LRP1B: variants seen among roughly 807,000 people sequenced by gnomAD.
The protein encoded by LRP1B is LDL receptor related protein 1B, also known as low-density lipoprotein receptor-related protein 1B.
In LRP1B, 217 loss-of-function variants were observed where a neutral mutation model predicts 556.6. The ratio of observed to expected loss-of-function variants is 0.39; its 90% CI spans 0.35 to 0.44. LRP1B has a LOEUF of 0.44. Ranked by LOEUF, LRP1B falls within the 20% of genes least tolerant of loss-of-function variation. The pLI is 1.00. For synonymous variants in LRP1B, 2,047 were observed against 1,865.8 expected (o/e 1.10, Z -2.50); for missense variants, 5,053 against 5,620.8 (o/e 0.90, Z 3.23).
intron 66 of LRP1B, among the ~76,000 whole-genome samples, chr2:140,417,631 AG>A (rs1286321960): frequency 1.3e-5 from 2 of 152,176 alleles, no homozygotes; most frequent in Non-Finnish European, 2.9e-5. Flanking sequence ...AAAATTAAGT[AG>A]GTCATTTTAT....
intron 7 of LRP1B, among the ~76,000 whole-genome samples, chr2:141,161,024 A>T (rs943148432): frequency 6.6e-6 from 1 of 152,110 alleles, no homozygotes; most frequent in African/African-American, 2.4e-5. Context: ...GTGGTACAAG[A>T]GGAACTTTCT....
intron 1 of LRP1B, among the ~76,000 whole-genome samples, chr2:141,918,590 CA>C (rs1345547136): frequency 6.6e-6 from 1 of 152,090 alleles, no homozygotes; most frequent in African/African-American, 2.4e-5. Context: ...ATCCATTTCA[CA>C]AACCACAGAG....
chr2:140,573,184 T>C (rs1681394095), intron 43 of LRP1B, among the ~76,000 whole-genome samples: 2 of 151,872 alleles, frequency 1.3e-5, no homozygotes. Context: ...CAAATGGTGA[T>C]GGTTAACATA....
intron 41 of LRP1B, among the ~76,000 whole-genome samples, chr2:140,623,956 G>GTGTGTATATATA (rs1339496296): frequency 2.8e-5 from 3 of 106,432 alleles, no homozygotes; most frequent in Non-Finnish European, 3.8e-5. Flanking sequence ...TTTTATTTAT[G>GTGTGTATATATA]TATATATATA....
chr2:140,238,129 C>A (rs747904423), intron 89 of LRP1B, 23 bp downstream of exon 89: 1 of 1,569,484 alleles, frequency 6.4e-7, no homozygotes, highest in Non-Finnish European at 8.6e-7. Context: ...GTGCTCACTG[C>A]CCATTATCTT....
chr2:141,484,509 G>A (rs1683045999), intron 2 of LRP1B, among the ~76,000 whole-genome samples: 1 of 152,038 alleles, frequency 6.6e-6, no homozygotes, highest in Non-Finnish European at 1.5e-5. Context: ...GAAAGTCATT[G>A]GTAACTTGAT....
intron 2 of LRP1B, among the ~76,000 whole-genome samples, chr2:141,789,072 T>C (rs1695521144): frequency 6.6e-6 from 1 of 152,034 alleles, no homozygotes; most frequent in South Asian, 2.1e-4. Context: ...CTGGGTCAAA[T>C]GGTGTTTCTA....
Position 140,851,718 on chromosome 2 carries a change from T to C in LRP1B, c.4645A>G (p.Asn1549Asp). ...GGGCACGCACAGGCAGCACTCCTAT[T>C]GTGATTGATTAGACACATGTGAGAG... ...PCSHMCLINHNRSAACACPHL... is the reference protein window; with the variant it reads ...PCSHMCLINHDRSAACACPHL... The change falls in exon 28 of 91, where the codon AAT becomes GAT. Residue 1549 changes from asparagine to aspartate, a missense_variant. Physicochemically the swap from Asn to Asp is conservative, Grantham distance 23. Transcript: ENST00000389484. 2 of 1,611,306 alleles carry C rather than the reference T, an allele frequency of 1.2e-6. No individual in the cohort carries two copies. Among genetic ancestry groups the C allele is most frequent in the Non-Finnish European group, 1.7e-6 (2 of 1,179,060 alleles).
At chr2:141,827,833 A>C (rs1696988303) in intron 1 of LRP1B, among the ~76,000 whole-genome samples, 1 of 152,134 alleles carries the variant, frequency 6.6e-6, no homozygotes, top group Non-Finnish European at 1.5e-5. Context: ...GCTATAAAGT[A>C]TATATATACT....
chr2:140,516,349 G>A (rs926011945), intron 50 of LRP1B, among the ~76,000 whole-genome samples: 4 of 151,970 alleles, frequency 2.6e-5, no homozygotes, highest in Non-Finnish European at 5.9e-5. Flanking sequence ...TATTTACATT[G>A]TATTAGGCAT....
intron 31 of LRP1B, among the ~76,000 whole-genome samples, chr2:140,831,449 C>G (rs1256158424): frequency 6.6e-6 from 1 of 152,100 alleles, no homozygotes; most frequent in Non-Finnish European, 1.5e-5. Flanking sequence ...ATAAATAGTG[C>G]TGGGAAAACT....
rs369005114 is a variant in LRP1B, at chr2:140,623,484, T to C, written c.6800-21845A>G. ...TATATCAAAAGGCATTATATCAAAGTAACAATATATCTAGTAACAATAAAT... is the reference window on the plus strand; with the variant it reads ...TATATCAAAAGGCATTATATCAAAGCAACAATATATCTAGTAACAATAAAT... On this transcript the variant is annotated intron_variant, in intron 41 of 90. Transcript: ENST00000389484. Among the ~76,000 whole-genome samples the C allele has an allele frequency of 3.9e-5, 6 of 152,178 alleles. No homozygotes were observed. In the East Asian group the frequency reaches 1.2e-3, roughly 29 times the overall value.
At chr2:141,925,813 C>A (rs768721283) in intron 1 of LRP1B, among the ~76,000 whole-genome samples, 2 of 152,166 alleles carry the variant, frequency 1.3e-5, no homozygotes, top group African/African-American at 2.4e-5. Context: ...CAAAGCCTAG[C>A]AGAAAGACTA....
At chr2:141,068,842 A>G (rs1365718181) in intron 7 of LRP1B, among the ~76,000 whole-genome samples, 1 of 152,026 alleles carries the variant, frequency 6.6e-6, no homozygotes, top group Non-Finnish European at 1.5e-5. Flanking sequence ...ACTTTAGGGA[A>G]TATTTCATAT....
In LRP1B at chr2:140,641,254, A is replaced by G. The variant is rs187920963; in HGVS notation, c.6800-39615T>C. 6.6e-5 allele frequency among the ~76,000 whole-genome samples: 10 copies of G among 152,350 alleles called. No individual in the cohort carries two copies. The East Asian group carries it at 1.9e-3, about 29-fold the overall frequency. ...TATAAAGGGAAATTAGCTTTACCCA[A>G]GGTTTCACAAGTTCATCAAAAGCTT... On this transcript the variant is annotated intron_variant, in intron 41 of 90. Coordinates refer to ENST00000389484, the MANE Select transcript of LRP1B (RefSeq NM_018557.3).
chr2:141,434,804 T>C (rs911946822), intron 3 of LRP1B, among the ~76,000 whole-genome samples: 5 of 152,316 alleles, frequency 3.3e-5, no homozygotes, highest in African/African-American at 9.6e-5. Context: ...TCAGCTAAAA[T>C]AATTCTGAAA....
intron 7 of LRP1B, among the ~76,000 whole-genome samples, chr2:141,172,966 T>C (rs1279767307): frequency 6.6e-6 from 1 of 152,044 alleles, no homozygotes; most frequent in Non-Finnish European, 1.5e-5. Flanking sequence ...CTATGTCTTA[T>C]TTATTGGGAT....
At chr2:141,524,127 C>T (rs1684614921) in intron 2 of LRP1B, among the ~76,000 whole-genome samples, 1 of 152,072 alleles carries the variant, frequency 6.6e-6, no homozygotes, top group Admixed American at 6.6e-5. Context: ...AACTTTCCTC[C>T]ACTATACTGT....
At chr2:141,649,498 AGAAAAATGCTCAAGATATCTTAAGTT>A (rs1689706054) in intron 2 of LRP1B, among the ~76,000 whole-genome samples, 1 of 152,200 alleles carries the variant, frequency 6.6e-6, no homozygotes, top group Non-Finnish European at 1.5e-5. Context: ...AGTTTTATTA[AGAAAAATGCTCAAGATATCTTAAGTT>A]GAAAAATGCT....
Sources: gnomAD v4.1 joint callset for allele counts (sites outside exome capture counted in the v4.1 genomes callset) on GRCh38, gnomAD v4.1.1 for gene constraint, MANE v1.5 for transcripts, NCBI Gene and HGNC (gene_info 2026-07-23, HGNC 2026-07-21) for gene names.